The following HDAC9 variants were observed in gnomAD, a reference collection of about 807,000 sequenced individuals.
HDAC9 encodes the protein histone deacetylase 9.
HDAC9 carries 41 observed loss-of-function variants against 139.4 expected under a neutral mutation model. The ratio of observed to expected loss-of-function variants is 0.29; its 90% CI spans 0.23 to 0.38. HDAC9 has a LOEUF of 0.38. Ranked by LOEUF, HDAC9 falls within the 10% of genes least tolerant of loss-of-function variation. The pLI is 1.00. For missense variants in HDAC9, 1,147 were observed against 1,297.0 expected (o/e 0.88, Z 1.78); for synonymous variants, 517 against 476.2 (o/e 1.09, Z -1.12).
intron 25 of HDAC9, among the ~76,000 whole-genome samples, chr7:18,979,536 C>CT (rs767444374): frequency 2.6e-4 from 39 of 152,248 alleles, no homozygotes; most frequent in Non-Finnish European, 2.5e-4. Context: ...ACTTAGATAA[C>CT]TAAGTATGTG....
intron 22 of HDAC9, among the ~76,000 whole-genome samples, chr7:18,904,728 A>C (rs904416492): frequency 4.6e-5 from 7 of 151,150 alleles, no homozygotes; most frequent in African/African-American, 9.7e-5. Context: ...GGCAACCGCC[A>C]CCACGCCCGG....
chr7:18,699,607 C>T (rs1783313241), intron 12 of HDAC9, among the ~76,000 whole-genome samples: 1 of 151,924 alleles, frequency 6.6e-6, no homozygotes, highest in Admixed American at 6.6e-5. Flanking sequence ...ACATGTTTTC[C>T]CTGCTATAGT....
At chr7:18,465,548 C>T (rs1794199234) in intron 1 of HDAC9, among the ~76,000 whole-genome samples, 2 of 152,118 alleles carry the variant, frequency 1.3e-5, no homozygotes, top group African/African-American at 4.8e-5. Context: ...CAAATGCACT[C>T]TCTTTTTTCT....
intron 1 of HDAC9, among the ~76,000 whole-genome samples, chr7:18,390,264 C>T (rs1265573874): frequency 6.6e-6 from 1 of 152,078 alleles, no homozygotes; most frequent in Non-Finnish European, 1.5e-5. Context: ...GTTTGCATGG[C>T]TCTTGGCAAC....
At chr7:18,184,886 C>T (rs927533969) in intron 2 of HDAC9, among the ~76,000 whole-genome samples, 2 of 152,086 alleles carry the variant, frequency 1.3e-5, no homozygotes, top group African/African-American at 4.8e-5. Flanking sequence ...ATGATTTACA[C>T]CTAATCTCTT....
intron 16 of HDAC9, among the ~76,000 whole-genome samples, chr7:18,771,613 A>G (rs1211588624): frequency 6.6e-6 from 1 of 151,826 alleles, no homozygotes; most frequent in Non-Finnish European, 1.5e-5. Context: ...TCAGGAGAAA[A>G]ATCTATTTTA....
chr7:18,964,290 A>G (rs1305809041), intron 24 of HDAC9, among the ~76,000 whole-genome samples: 1 of 152,110 alleles, frequency 6.6e-6, no homozygotes, highest in Non-Finnish European at 1.5e-5. Context: ...CTTAACTCCT[A>G]TACATACTTC....
chr7:18,822,231 G>C (rs945336269), intron 17 of HDAC9, among the ~76,000 whole-genome samples: 3 of 152,088 alleles, frequency 2.0e-5, no homozygotes, highest in Admixed American at 2.0e-4. Flanking sequence ...CTCTGGAAAG[G>C]AGCCACCATC....
chr7:18,251,537 A>G (rs1370554120), intron 2 of HDAC9, among the ~76,000 whole-genome samples: 1 of 152,208 alleles, frequency 6.6e-6, no homozygotes, highest in Non-Finnish European at 1.5e-5. Flanking sequence ...AAGGAAAAAA[A>G]TACAAAAAAA....
chr7:18,389,315 A>G (rs1786242217), intron 1 of HDAC9, among the ~76,000 whole-genome samples: 1 of 152,206 alleles, frequency 6.6e-6, no homozygotes. Context: ...ATAATATTTT[A>G]TTTCTCATTC....
chr7:18,943,152 A>G (rs1782134782), intron 23 of HDAC9, among the ~76,000 whole-genome samples: 1 of 151,988 alleles, frequency 6.6e-6, no homozygotes, highest in Admixed American at 6.6e-5. Context: ...CTTCATAACA[A>G]TTGATATCCA....
intron 12 of HDAC9, among the ~76,000 whole-genome samples, chr7:18,682,794 C>G (rs899225342): frequency 6.6e-6 from 1 of 150,544 alleles, no homozygotes; most frequent in African/African-American, 2.5e-5. Context: ...ACCAGCCTGG[C>G]CAACGTGGTG....
intron 2 of HDAC9, chr7:18,509,350 G>A: frequency 1.0e-6 from 1 of 985,450 alleles, no homozygotes; most frequent in Non-Finnish European, 1.2e-6. Context: ...GGGGAAGACT[G>A]TCAGCTACGA....
intron 2 of HDAC9, among the ~76,000 whole-genome samples, chr7:18,248,575 C>T (rs1026485395): frequency 5.3e-5 from 8 of 152,170 alleles, no homozygotes; most frequent in South Asian, 4.1e-4. Flanking sequence ...CATTCCTTCT[C>T]GCATGCTACT....
intron 22 of HDAC9, among the ~76,000 whole-genome samples, chr7:18,934,110 A>C (rs1781453279): frequency 6.6e-6 from 1 of 152,154 alleles, no homozygotes; most frequent in Non-Finnish European, 1.5e-5. Flanking sequence ...AAATTTAAAC[A>C]ATGAAATAAA....
chr7:18,605,511 G>A (rs1230838470), intron 6 of HDAC9, among the ~76,000 whole-genome samples: 1 of 152,108 alleles, frequency 6.6e-6, no homozygotes, highest in Non-Finnish European at 1.5e-5. Flanking sequence ...CATTAGACAA[G>A]TATTACAAAA....
At chr7:18,616,960 A>G (rs932467826) in intron 6 of HDAC9, among the ~76,000 whole-genome samples, 3 of 152,226 alleles carry the variant, frequency 2.0e-5, no homozygotes, top group Admixed American at 6.5e-5. Flanking sequence ...ATGTACGTGC[A>G]TCTCTTTATT....
intron 2 of HDAC9, among the ~76,000 whole-genome samples, chr7:18,184,504 G>C (rs1256217341): frequency 6.6e-6 from 1 of 152,110 alleles, no homozygotes; most frequent in African/African-American, 2.4e-5. Context: ...ATAGCCTGAA[G>C]GTAATTTTAT....
chr7:18,717,081 G>A (rs1784757032), intron 12 of HDAC9, among the ~76,000 whole-genome samples: 1 of 149,210 alleles, frequency 6.7e-6, no homozygotes, highest in African/African-American at 2.5e-5. Flanking sequence ...AAGAACGTGA[G>A]AAGGAGAGAG....
Sources: allele counts gnomAD v4.1 joint callset (sites outside exome capture counted in the v4.1 genomes callset), GRCh38; gene constraint gnomAD v4.1.1; transcripts MANE v1.5; gene names NCBI Gene and HGNC (gene_info 2026-07-23, HGNC 2026-07-21).